Variants in ABCB7 observed in about 807,000 individuals in gnomAD.
ABCB7 encodes the protein iron-sulfur clusters transporter ABCB7, mitochondrial.
In ABCB7, 7 loss-of-function variants were observed where a neutral mutation model predicts 54.4. The ratio of observed to expected loss-of-function variants is 0.13; its 90% CI spans 0.07 to 0.24. The LOEUF is 0.24. Among genes scored for constraint, ABCB7 ranks in the 10% least tolerant of loss-of-function variants. The pLI is 1.00. For synonymous variants in ABCB7, 218 were observed against 207.1 expected, an observed-to-expected ratio of 1.05 and a Z score of -0.45; for missense variants, 356 against 570.4, an observed-to-expected ratio of 0.62 and a Z score of 3.83.
At chrX:75,127,876 G>A (rs1052171178) in intron 1 of ABCB7, among the ~76,000 whole-genome samples, 7 of 111,623 alleles carry the variant, frequency 6.3e-5, no homozygotes, top group Admixed American at 1.9e-4. Flanking sequence ...AAATACCTAG[G>A]AATACAACTT....
In ABCB7 at chrX:75,051,916, A is replaced by C. The variant is rs1372781780; in HGVS notation, c.*1454T>G. 1 of 112,685 alleles carries C rather than the reference A, an allele frequency of 8.9e-6. No individual in the cohort carries two copies. The highest frequency in any genetic ancestry group is 1.9e-5 in the Non-Finnish European group (1 of 53,327). The allele number at this position is 112,685 out of a possible 1,213,427, so 9.3% of individuals were successfully genotyped here. ...CAGCACATTTAAGATGGAAATATAA[A>C]AGGAAATGAACTTTCTAAGCTTTTC... On this transcript the variant is annotated 3_prime_UTR_variant, in exon 16 of 16. Transcript: ENST00000373394.
intron 4 of ABCB7, among the ~76,000 whole-genome samples, chrX:75,088,963 G>A (rs1290082761): frequency 2.7e-5 from 3 of 109,474 alleles, no homozygotes; most frequent in African/African-American, 9.9e-5. Flanking sequence ...AAGAAGCCAG[G>A]GGAATCACCT....
chrX:75,116,840 G>C (rs1311479167), intron 1 of ABCB7, among the ~76,000 whole-genome samples: 1 of 111,018 alleles, frequency 9.0e-6, no homozygotes, highest in Non-Finnish European at 1.9e-5. Flanking sequence ...AGGTTGTGTA[G>C]TAAAGAAGCT....
At chrX:75,094,334 T>C (rs2081572198) in intron 4 of ABCB7, among the ~76,000 whole-genome samples, 1 of 110,963 alleles carries the variant, frequency 9.0e-6, no homozygotes, top group Admixed American at 9.6e-5. Context: ...AACATACATT[T>C]TATAAAATCA....
intron 3 of ABCB7, among the ~76,000 whole-genome samples, chrX:75,100,149 A>T (rs925088019): frequency 2.7e-5 from 3 of 110,441 alleles, no homozygotes; most frequent in African/African-American, 9.9e-5. Context: ...TCTTGAATCT[A>T]TTTCTTTCCA....
In ABCB7 at chrX:75,073,942, A is replaced by G; in HGVS notation, c.870T>C (p.Gly290=). The stretch of plus-strand genomic sequence containing the variant: ...CAAGGGTTACCAAAGCAAACTGGGC[A>G]CCGCATTTGTAATACTAGAAAAGGA... ...LVSGVLYYKC[G]AQFALVTLGT... Residue 290 remains glycine (G), a synonymous_variant, in exon 7 of 16, where the codon GGT becomes GGC. Coordinates refer to ENST00000373394, the MANE Select transcript of ABCB7 (RefSeq NM_001271696.3). 8.3e-7 allele frequency: 1 copy of G among 1,206,829 alleles called. No individual in the cohort carries two copies. Among genetic ancestry groups the G allele is most frequent in the South Asian group, 1.8e-5 (1 of 56,878 alleles).
intron 3 of ABCB7, among the ~76,000 whole-genome samples, chrX:75,107,200 T>C (rs1400948454): frequency 9.0e-6 from 1 of 111,187 alleles, no homozygotes; most frequent in Non-Finnish European, 1.9e-5. Context: ...CAGATGAGAG[T>C]AATCGATCCC....
intron 4 of ABCB7, among the ~76,000 whole-genome samples, chrX:75,089,269 GAATA>G (rs1469687748): frequency 9.0e-6 from 1 of 111,712 alleles, no homozygotes; most frequent in Non-Finnish European, 1.9e-5. Flanking sequence ...GTTAGAGAAG[GAATA>G]AATTAATGTA....
At chrX:75,149,325 TA>T (rs1485541110) in intron 1 of ABCB7, among the ~76,000 whole-genome samples, 1 of 112,002 alleles carries the variant, frequency 8.9e-6, no homozygotes, top group Non-Finnish European at 1.9e-5. Context: ...TGCTCACAAA[TA>T]AAGTAACTCA....
intron 4 of ABCB7, among the ~76,000 whole-genome samples, chrX:75,086,085 G>C (rs1439720465): frequency 1.8e-5 from 2 of 110,683 alleles, no homozygotes; most frequent in Non-Finnish European, 3.8e-5. Flanking sequence ...GGCCTCAAGT[G>C]ATCTGCCTGC....
At chrX:75,105,432 A>T (rs2081687345) in intron 3 of ABCB7, among the ~76,000 whole-genome samples, 1 of 111,297 alleles carries the variant, frequency 9.0e-6, no homozygotes, top group South Asian at 3.7e-4. Context: ...AGAAAATAAA[A>T]TATCTAGAAA....
At chrX:75,067,729 C>G (rs2081332326) in intron 12 of ABCB7, among the ~76,000 whole-genome samples, 1 of 110,882 alleles carries the variant, frequency 9.0e-6, no homozygotes, top group Non-Finnish European at 1.9e-5. Flanking sequence ...AGGCGATCTG[C>G]CTGCCTTGGC....
chrX:75,072,919 C>T (rs2081375539), intron 8 of ABCB7, among the ~76,000 whole-genome samples: 1 of 109,083 alleles, frequency 9.2e-6, no homozygotes, highest in South Asian at 3.8e-4. Context: ...AGGCTATTTT[C>T]TATTTAATTT....
chrX:75,071,522 C>G lies in ABCB7; in HGVS notation c.1194G>C (p.Gln398His). The change falls in exon 9 of 16, where the codon CAG (glutamine) becomes CAC (histidine). Residue 398 changes from glutamine (Q) to histidine (H), a missense_variant. This residue lies in a region of ABCB7 where 241 missense variants were observed against 470.9 expected (regional missense o/e 0.51). Coordinates refer to ENST00000373394, the MANE Select transcript of ABCB7 (RefSeq NM_001271696.3). ...GLTAIMVLAS[Q>H]GIVAGTLTVG... ...CAGACTCATTACCTGCCACAATTCC[C>G]TGACTGGCGAGCACCATTATAGCTG... is the stretch of plus-strand genomic sequence containing the variant. 8.3e-7 allele frequency: 1 copy of G among 1,211,236 alleles called. No homozygotes were observed. Among genetic ancestry groups the G allele is most frequent in the Non-Finnish European group, 1.1e-6 (1 of 895,303 alleles).
chrX:75,069,158 GGTTA>G, intron 11 of ABCB7, 22 bp from the exon 12 acceptor site: 1 of 1,208,931 alleles, frequency 8.3e-7, no homozygotes. Context: ...GATGAAGAAA[GGTTA>G]TTTAGCTCCT....
chrX:75,094,089 T>C (rs1302107123), intron 4 of ABCB7, among the ~76,000 whole-genome samples: 1 of 100,313 alleles, frequency 1.0e-5, no homozygotes, highest in Non-Finnish European at 1.9e-5. Context: ...AATAAATACT[T>C]GCTCAATATA....
Position 75,051,456 on chromosome X carries a change from T to C in ABCB7, c.*1914A>G, listed in dbSNP as rs555301913. The stretch of plus-strand genomic sequence containing the variant: ...GAGAAATAAAACCTTATTACATAGT[T>C]ATGTGGCCATTCATGAGGTGCATAT... On this transcript the variant is annotated 3_prime_UTR_variant, in exon 16 of 16. Transcript: ENST00000373394. 5 of 112,285 alleles carry C rather than the reference T, an allele frequency of 4.5e-5. 1 individual carries two copies. The East Asian group carries it at 1.4e-3, about 31-fold the overall frequency. 9.3% of individuals were successfully genotyped at this position (112,285 alleles called of 1,213,427 possible). A position where few individuals can be genotyped will look rare whatever the true frequency, so the allele number is the denominator to read the frequency against.
intron 1 of ABCB7, among the ~76,000 whole-genome samples, chrX:75,146,799 A>G (rs191070602): frequency 6.1e-4 from 69 of 112,218 alleles, no homozygotes; most frequent in African/African-American, 2.2e-3. Flanking sequence ...CAACTGCAAC[A>G]AAAGTAAAAA....
In ABCB7 at chrX:75,070,398, C is replaced by T. The variant is rs781111408; in HGVS notation, c.1332G>A (p.Leu444=). The change falls in exon 10 of 16, where the codon TTG becomes TTA. Residue 444 remains leucine, a synonymous_variant. Coordinates refer to ENST00000373394, the MANE Select transcript of ABCB7 (RefSeq NM_001271696.3). ...TRQALIDMNT[L]FTLLKVDTQI... Reference sequence around the variant, plus strand: ...GGGTGTCTACCTTGAGTAGAGTAAACAAGGTGTTCATATCTATGAGTGCTT... The same window carrying T: ...GGGTGTCTACCTTGAGTAGAGTAAATAAGGTGTTCATATCTATGAGTGCTT... The T allele has an allele frequency of 2.5e-6, 3 of 1,209,941 alleles. No individual in the cohort carries two copies. Among genetic ancestry groups the T allele is most frequent in the Non-Finnish European group, 3.4e-6 (3 of 894,476 alleles).
Sources: allele counts gnomAD v4.1 joint callset (sites outside exome capture counted in the v4.1 genomes callset), GRCh38; gene constraint gnomAD v4.1.1; regional missense constraint gnomAD v4.1.1; transcripts MANE v1.5; gene names NCBI Gene and HGNC (gene_info 2026-07-23, HGNC 2026-07-21).